The following TTC29 variants were observed in gnomAD, a reference collection of about 807,000 sequenced individuals.
TTC29 encodes tetratricopeptide repeat protein 29.
Under a neutral mutation model 58.1 loss-of-function variants are expected in TTC29, and 49 were observed. That is an observed-to-expected ratio of 0.84 (90% CI 0.67 to 1.07). TTC29 has a LOEUF of 1.07. Among genes scored for constraint, TTC29 ranks in the 50% least tolerant of loss-of-function variants. The pLI is 0.00. For missense variants in TTC29, 582 were observed against 555.6 expected (o/e 1.05, Z -0.48); for synonymous variants, 209 against 196.8 (o/e 1.06, Z -0.52).
At chr4:146,939,717 A>T in intron 3 of TTC29, 87 bp downstream of exon 3, 1 of 1,232,028 alleles carries the variant, frequency 8.1e-7, no homozygotes, top group Non-Finnish European at 1.1e-6. Context: ...TCTTGAAATG[A>T]TTTTATTTTC....
chr4:146,926,215 CT>C (rs1186358566), intron 4 of TTC29, among the ~76,000 whole-genome samples: 2 of 152,060 alleles, frequency 1.3e-5, no homozygotes, highest in Admixed American at 6.6e-5. Flanking sequence ...TAATAACTTT[CT>C]TTTGGAGCTT....
intron 11 of TTC29, among the ~76,000 whole-genome samples, chr4:146,780,761 CTTAG>C (rs1010814880): frequency 6.6e-6 from 1 of 151,886 alleles, no homozygotes; most frequent in Non-Finnish European, 1.5e-5. Flanking sequence ...GTCCTGTAAA[CTTAG>C]AATGATTTTT....
At chr4:146,778,451 A>G (rs186216894) in intron 11 of TTC29, among the ~76,000 whole-genome samples, 1 of 152,182 alleles carries the variant, frequency 6.6e-6, no homozygotes, top group Non-Finnish European at 1.5e-5. Context: ...CACTGTGCAT[A>G]GAGAACATGG....
rs191249519 is a variant in TTC29, at chr4:146,853,442, A to C, written c.885+14056T>G. 5.6e-4 allele frequency among the ~76,000 whole-genome samples: 85 copies of C among 152,254 alleles called. 1 individual carries two copies. Among genetic ancestry groups the C allele is most frequent in the Non-Finnish European group, 7.4e-5 (5 of 67,990 alleles). ...GTTATAAAATGTTTATTCATTTTGT[A>C]ATTTTTATTGGCTGCATTGTATTTC... On this transcript the variant is annotated intron_variant, in intron 8 of 12. Transcript: ENST00000325106.
Position 146,803,567 on chromosome 4 carries a change from T to G in TTC29, c.1220A>C (p.Gln407Pro). 6.2e-7 allele frequency: 1 copy of G among 1,606,800 alleles called. No individual in the cohort carries two copies. Among genetic ancestry groups the G allele is most frequent in the Non-Finnish European group, 8.5e-7 (1 of 1,176,060 alleles). ...ATAGTTGTTCACTGTAAGCATCATC[T>G]GATGAGCTTTTGCTATTCCATAGTG... ...KVHYGIAKAH[Q>P]MMLTVNNYIE... Residue 407 changes from glutamine to proline, a missense_variant, in exon 11 of 13, where the codon CAG becomes CCG. Gln to Pro is a moderately conservative substitution (Grantham distance 76). Transcript: ENST00000325106.
chr4:146,796,985 G>A (rs747890638), intron 11 of TTC29, among the ~76,000 whole-genome samples: 1 of 151,896 alleles, frequency 6.6e-6, no homozygotes, highest in Non-Finnish European at 1.5e-5. Flanking sequence ...GCCAGGTAAA[G>A]TTTGTGTAAT....
At chr4:146,729,906 G>A (rs1004879518) in intron 11 of TTC29, among the ~76,000 whole-genome samples, 1 of 151,844 alleles carries the variant, frequency 6.6e-6, no homozygotes, top group Non-Finnish European at 1.5e-5. Context: ...CTCGATACGT[G>A]GGGATTATGG....
At chr4:146,892,110 T>C (rs1323100328) in intron 6 of TTC29, among the ~76,000 whole-genome samples, 1 of 152,134 alleles carries the variant, frequency 6.6e-6, no homozygotes, top group Non-Finnish European at 1.5e-5. Flanking sequence ...GATTGGATCA[T>C]GGGGGCAGAC....
chr4:146,835,884 C>T (rs1056300248), intron 8 of TTC29, among the ~76,000 whole-genome samples: 1 of 152,094 alleles, frequency 6.6e-6, no homozygotes, highest in African/African-American at 2.4e-5. Flanking sequence ...GTTGATGGCT[C>T]CTATCCCACA....
chr4:146,866,763 TA>T (rs1382733376), intron 8 of TTC29, among the ~76,000 whole-genome samples: 1 of 152,086 alleles, frequency 6.6e-6, no homozygotes, highest in Non-Finnish European at 1.5e-5. Flanking sequence ...AAAAAATATC[TA>T]AAGGAACAAA....
intron 11 of TTC29, among the ~76,000 whole-genome samples, chr4:146,783,354 T>A (rs1323279454): frequency 6.6e-6 from 1 of 150,984 alleles, no homozygotes; most frequent in South Asian, 2.1e-4. Flanking sequence ...TTTTTTTTTA[T>A]GAATGAAAAC....
chr4:146,907,592 G>A (rs912070769), intron 5 of TTC29, among the ~76,000 whole-genome samples: 5 of 152,110 alleles, frequency 3.3e-5, no homozygotes, highest in African/African-American at 7.2e-5. Flanking sequence ...TTTGTCTCTC[G>A]GGTTCAAGCA....
intron 10 of TTC29, among the ~76,000 whole-genome samples, chr4:146,816,491 G>A (rs370653871): frequency 6.6e-6 from 1 of 152,054 alleles, no homozygotes; most frequent in Non-Finnish European, 1.5e-5. Context: ...CAACAGGCAG[G>A]GGAGGACTCG....
chr4:146,784,001 G>T (rs541218273), intron 11 of TTC29, among the ~76,000 whole-genome samples: 1 of 151,024 alleles, frequency 6.6e-6, no homozygotes, highest in African/African-American at 2.4e-5. Context: ...TTGTGAAATC[G>T]ATTCTTGTGA....
At chr4:146,760,168 G>A (rs1746767102) in intron 11 of TTC29, among the ~76,000 whole-genome samples, 2 of 151,800 alleles carry the variant, frequency 1.3e-5, no homozygotes, top group Non-Finnish European at 2.9e-5. Flanking sequence ...TTCAAATTGA[G>A]AACTCACCCC....
intron 11 of TTC29, among the ~76,000 whole-genome samples, chr4:146,738,023 C>A (rs1744851007): frequency 6.6e-6 from 1 of 152,148 alleles, no homozygotes; most frequent in Non-Finnish European, 1.5e-5. Flanking sequence ...AGAATAAATA[C>A]AACTATATTG....
At position 146,945,829 on chromosome 4, in the gene TTC29, G is replaced by C. The variant is rs1004181254; in HGVS notation, c.-174C>G. The C allele has an allele frequency of 6.6e-5, 10 of 152,350 alleles. No homozygotes were observed. Among genetic ancestry groups the C allele is most frequent in the African/African-American group, 2.4e-4 (10 of 41,468 alleles). The allele number at this position is 152,350 out of a possible 1,614,324, so 9.4% of individuals were successfully genotyped here. On this transcript the variant is annotated 5_prime_UTR_variant, in exon 1 of 13. Transcript: ENST00000325106. ...TCCTCTCTCAGTGATTCCGAAGCCT[G>C]GCTCCGCCGGAGCGGAGACAGGGGA...
chr4:146,842,387 A>AGTCCTCC (rs1310627185), intron 8 of TTC29, among the ~76,000 whole-genome samples: 1 of 152,090 alleles, frequency 6.6e-6, no homozygotes, highest in Non-Finnish European at 1.5e-5. Flanking sequence ...TTCTTGTGAC[A>AGTCCTCC]GTCCTCCCAA....
chr4:146,902,858 A>G (rs1005864987), intron 6 of TTC29, among the ~76,000 whole-genome samples: 1 of 152,248 alleles, frequency 6.6e-6, no homozygotes, highest in African/African-American at 2.4e-5. Context: ...CAGTTTCACC[A>G]AAGTAAAAAC....
Sources: gnomAD v4.1 joint callset for allele counts (sites outside exome capture counted in the v4.1 genomes callset) on GRCh38, gnomAD v4.1.1 for gene constraint, MANE v1.5 for transcripts, NCBI Gene and HGNC (gene_info 2026-07-23, HGNC 2026-07-21) for gene names.